DPY30: variants seen among roughly 807,000 people sequenced by gnomAD.
The protein encoded by DPY30 is protein dpy-30 homolog.
A neutral mutation model predicts 16.2 loss-of-function variants in DPY30; 6 were observed. That is an observed-to-expected ratio of 0.37 (90% CI 0.20 to 0.73). The LOEUF is 0.73. DPY30 is among the 30% of genes least tolerant of loss of function. DPY30 has a pLI of 0.51. For synonymous variants in DPY30, 39 were observed against 38.8 expected (o/e 1.00, Z -0.02); for missense variants, 73 against 113.1 (o/e 0.65, Z 1.61).
chr2:32,036,462 G>A (rs991728653), intron 3 of DPY30, among the ~76,000 whole-genome samples: 19 of 152,102 alleles, frequency 1.2e-4, no homozygotes, highest in African/African-American at 4.6e-4. Context: ...ACGAGGTCAG[G>A]AGATCGAGAC....
At chr2:32,013,409 A>C (rs1296252130) in intron 5 of DPY30, 1 of 152,206 alleles carries the variant, frequency 6.6e-6, no homozygotes, top group Non-Finnish European at 1.5e-5. Context: ...TGCTCTCAAT[A>C]CGTGCCACAA....
intron 3 of DPY30, 65 bp downstream of exon 3, chr2:32,039,214 G>C (rs1675870857): frequency 6.3e-7 from 1 of 1,589,262 alleles, no homozygotes; most frequent in Non-Finnish European, 8.6e-7. Context: ...AGTAAAAGCA[G>C]ATCCCAAGTT....
At chr2:32,023,404 G>A (rs1675226869), downstream of DPY30, 53 of 460,684 alleles carry the variant, frequency 1.2e-4, 1 homozygote, top group South Asian at 8.1e-4. Context: ...AACAGGATTT[G>A]AATTCCCAAA....
intron 1 of DPY30, 25 bp downstream of exon 1, chr2:32,039,708 A>C: frequency 1.7e-6 from 1 of 579,554 alleles, no homozygotes. Context: ...ATAAGTGAGA[A>C]AGTGGGGGAA....
intron 3 of DPY30, among the ~76,000 whole-genome samples, chr2:32,036,147 G>C (rs1675728800): frequency 8.2e-6 from 1 of 122,018 alleles, no homozygotes; most frequent in African/African-American, 3.0e-5. Flanking sequence ...ACCATACCCA[G>C]CTAATTTTTT....
intron 3 of DPY30, among the ~76,000 whole-genome samples, chr2:32,033,012 C>CT (rs1280823913): frequency 1.7e-3 from 255 of 147,130 alleles, no homozygotes; most frequent in African/African-American, 5.8e-3. Flanking sequence ...ATAATAATAA[C>CT]TTTTTTTTTA....
At chr2:32,012,406 C>A (rs1674962143) in intron 5 of DPY30, among the ~76,000 whole-genome samples, 1 of 148,616 alleles carries the variant, frequency 6.7e-6, no homozygotes, top group Non-Finnish European at 1.5e-5. Context: ...TATCCAAAAC[C>A]TCTCTCTTTT....
chr2:32,037,305 C>T (rs2148671562), intron 3 of DPY30, among the ~76,000 whole-genome samples: 1 of 151,958 alleles, frequency 6.6e-6, no homozygotes, highest in East Asian at 1.9e-4. Flanking sequence ...CTTTAAAGTA[C>T]ATATCTTTTT....
chr2:32,036,076 C>T (rs1675725771), intron 3 of DPY30, among the ~76,000 whole-genome samples: 1 of 151,680 alleles, frequency 6.6e-6, no homozygotes, highest in Non-Finnish European at 1.5e-5. Context: ...CCTTGGCCTC[C>T]CAGGCTCAAG....
chr2:32,029,135 A>G (rs1202243881), intron 4 of DPY30, among the ~76,000 whole-genome samples: 1 of 152,032 alleles, frequency 6.6e-6, no homozygotes, highest in Non-Finnish European at 1.5e-5. Context: ...AGCCGGGCGT[A>G]GTGGCCCACG....
At chr2:32,018,142 T>G (rs1204994622) in intron 5 of DPY30, among the ~76,000 whole-genome samples, 2 of 152,140 alleles carry the variant, frequency 1.3e-5, no homozygotes, top group Non-Finnish European at 2.9e-5. Context: ...AAGACACGTT[T>G]GTAGAAAAAT....
At chr2:32,029,569 C>G (rs1457881300) in intron 4 of DPY30, 25 bp downstream of exon 4, 4 of 1,608,948 alleles carry the variant, frequency 2.5e-6, no homozygotes, top group African/African-American at 1.3e-5. Context: ...TTTACTAACT[C>G]CATTTGTGGA....
Position 32,039,801 on chromosome 2 carries a change from G to A in DPY30, c.-105C>T, listed in dbSNP as rs1675897647. ...CCAGCTCCCAGCACAAACAGCTCCG[G>A]CCGTAAGTGACGGCTGTCGCACGAC... On this transcript the variant is annotated 5_prime_UTR_variant, in exon 1 of 5. Transcript: ENST00000342166. 3 of 369,030 alleles carry A rather than the reference G, an allele frequency of 8.1e-6. No individual in the cohort carries two copies. In the East Asian group the frequency reaches 1.4e-4, roughly 18 times the overall value. 22.9% of individuals were successfully genotyped at this position (369,030 alleles called of 1,614,324 possible). A position where few individuals can be genotyped will look rare whatever the true frequency, so the allele number is the denominator to read the frequency against.
chr2:32,026,433 T>A (rs743160), intron 4 of DPY30, among the ~76,000 whole-genome samples: 1,831 of 151,758 alleles, frequency 0.012, 21 homozygotes, highest in Non-Finnish European at 0.017. Context: ...ATAAAAAAAA[T>A]TTTTTAAATG....
At chr2:32,027,493 G>T (rs568310702) in intron 4 of DPY30, among the ~76,000 whole-genome samples, 1 of 143,968 alleles carries the variant, frequency 6.9e-6, no homozygotes, top group South Asian at 2.2e-4. Flanking sequence ...TCATGCCACT[G>T]CATTCCAGCC....
chr2:32,034,712 T>A (rs1476763686), intron 3 of DPY30, among the ~76,000 whole-genome samples: 1 of 152,104 alleles, frequency 6.6e-6, no homozygotes, highest in African/African-American at 2.4e-5. Flanking sequence ...GAAAATCTCA[T>A]AATACGCTGG....
At chr2:32,031,889 T>C (rs1437062113) in intron 3 of DPY30, among the ~76,000 whole-genome samples, 1 of 149,194 alleles carries the variant, frequency 6.7e-6, no homozygotes, top group Admixed American at 6.7e-5. Context: ...CGAGACTCTG[T>C]CTCAAAAAAA....
intron 3 of DPY30, among the ~76,000 whole-genome samples, chr2:32,031,670 G>A (rs1010082567): frequency 1.3e-5 from 2 of 151,810 alleles, no homozygotes; most frequent in Non-Finnish European, 2.9e-5. Context: ...CCAAGAGGGC[G>A]GATCATGCAG....
intron 4 of DPY30, among the ~76,000 whole-genome samples, chr2:32,028,141 C>T (rs1316541394): frequency 1.4e-5 from 2 of 144,642 alleles, no homozygotes; most frequent in African/African-American, 5.1e-5. Context: ...GGCAGGGTCT[C>T]ACTCTGTCAC....
Sources: gnomAD v4.1 joint callset for allele counts (sites outside exome capture counted in the v4.1 genomes callset) on GRCh38, gnomAD v4.1.1 for gene constraint, MANE v1.5 for transcripts, NCBI Gene and HGNC (gene_info 2026-07-23, HGNC 2026-07-21) for gene names.